The following MMP26 variants were observed in gnomAD, a reference collection of about 807,000 sequenced individuals.
MMP26 encodes matrix metalloproteinase-26.
In MMP26, 33 loss-of-function variants were observed where a neutral mutation model predicts 31.0. The ratio of observed to expected loss-of-function variants is 1.06; its 90% CI spans 0.81 to 1.42. MMP26 has a LOEUF of 1.42. Among genes scored for constraint, MMP26 ranks in the 40% most tolerant of loss-of-function variants. The pLI, the probability that MMP26 is intolerant of heterozygous loss-of-function variation, is 0.00. For missense variants in MMP26, 347 were observed against 316.1 expected (o/e 1.10, Z -0.74); for synonymous variants, 122 against 114.9 (o/e 1.06, Z -0.40).
intron 2 of MMP26, among the ~76,000 whole-genome samples, chr11:4,814,097 T>C (rs1293207086): frequency 4.6e-5 from 7 of 152,194 alleles, no homozygotes; most frequent in Admixed American, 1.3e-4. Context: ...AATTTAACAA[T>C]ATAAACTAAT....
chr11:4,749,272 G>T (rs1194079830), intron 1 of MMP26, among the ~76,000 whole-genome samples: 1 of 151,580 alleles, frequency 6.6e-6, no homozygotes, highest in African/African-American at 2.4e-5. Flanking sequence ...AAATGCTGAG[G>T]AAAAAAATGT....
intron 2 of MMP26, chr11:4,786,791 T>A (rs549645797): frequency 3.3e-5 from 5 of 152,906 alleles, no homozygotes; most frequent in African/African-American, 1.2e-4. Flanking sequence ...GAGTTCCCAA[T>A]CTTCCTCCTA....
chr11:4,848,504 CACACCTTGCA>C (rs774175084), intron 2 of MMP26: 3 of 1,613,516 alleles, frequency 1.9e-6, no homozygotes, highest in African/African-American at 1.3e-5. Context: ...CTCTGGACTC[CACACCTTGCA>C]ACACCTTGCC....
At chr11:4,812,581 T>C (rs1307774680) in intron 2 of MMP26, among the ~76,000 whole-genome samples, 3 of 152,226 alleles carry the variant, frequency 2.0e-5, no homozygotes, top group African/African-American at 7.2e-5. Flanking sequence ...TTGATTAGGC[T>C]ACCGAATCCA....
intron 2 of MMP26, among the ~76,000 whole-genome samples, chr11:4,789,978 A>G (rs766190123): frequency 2.6e-5 from 4 of 152,330 alleles, no homozygotes; most frequent in Non-Finnish European, 2.9e-5. Context: ...AGACCTATTA[A>G]ATATGTAGCA....
At chr11:4,935,630 A>T (rs1851428471) in intron 2 of MMP26, among the ~76,000 whole-genome samples, 1 of 151,564 alleles carries the variant, frequency 6.6e-6, no homozygotes, top group South Asian at 2.1e-4. Flanking sequence ...AGGAGTGGTG[A>T]GAGAGGGCAT....
At chr11:4,803,887 A>G (rs199688628) in intron 2 of MMP26, 1 of 1,613,040 alleles carries the variant, frequency 6.2e-7, no homozygotes, top group Non-Finnish European at 8.5e-7. Context: ...CCTAGACACC[A>G]TGAAGCAGAA....
chr11:4,860,365 A>T (rs751780567), intron 2 of MMP26: 38 of 471,142 alleles, frequency 8.1e-5, no homozygotes, highest in Non-Finnish European at 4.4e-5. Context: ...GAGAGCCAAG[A>T]TAGAAAGGAA....
In MMP26 at chr11:4,948,113, A is replaced by G. The variant is rs1846337073; in HGVS notation, c.-144-39955A>G. 1.6e-5 allele frequency among the ~76,000 whole-genome samples: 2 copies of G among 124,670 alleles called. 1 individual carries two copies. The highest frequency in any genetic ancestry group is 5.4e-5 in the African/African-American group (2 of 36,710). 81.8% of individuals were successfully genotyped at this position (124,670 alleles called of 152,430 possible). ...AAATATCCTTAAAACCAACTTGTCC[A>G]ACTTATACAAGTTTTTCTCCCTTAC... On this transcript the variant is annotated intron_variant, in intron 2 of 7. Coordinates refer to ENST00000380390, the MANE Select transcript of MMP26 (RefSeq NM_021801.5).
intron 2 of MMP26, among the ~76,000 whole-genome samples, chr11:4,810,661 C>A (rs1849337701): frequency 6.6e-6 from 1 of 152,096 alleles, no homozygotes; most frequent in Non-Finnish European, 1.5e-5. Flanking sequence ...TTGTGAGACC[C>A]CTCACCTCTG....
At chr11:4,854,274 C>T (rs1850017171) in intron 2 of MMP26, among the ~76,000 whole-genome samples, 1 of 152,170 alleles carries the variant, frequency 6.6e-6, no homozygotes, top group Non-Finnish European at 1.5e-5. Context: ...CATCGCCTCA[C>T]CTGGGAAGTG....
At chr11:4,851,691 T>C (rs1247478699) in intron 2 of MMP26, among the ~76,000 whole-genome samples, 1 of 151,966 alleles carries the variant, frequency 6.6e-6, no homozygotes, top group African/African-American at 2.4e-5. Flanking sequence ...GGGGAGGAAT[T>C]AAACATTTAT....
At chr11:4,943,843 C>T (rs1204121326) in intron 2 of MMP26, 1 of 446,724 alleles carries the variant, frequency 2.2e-6, no homozygotes, top group Non-Finnish European at 4.5e-6. Flanking sequence ...TTTTTCATTT[C>T]ATTTTATTAA....
intron 2 of MMP26, among the ~76,000 whole-genome samples, chr11:4,910,314 A>G (rs1410591973): frequency 1.3e-5 from 2 of 152,070 alleles, no homozygotes; most frequent in Non-Finnish European, 2.9e-5. Context: ...CTAAGGATTC[A>G]TATAATTAGA....
At chr11:4,815,804 C>T (rs1188971859) in intron 2 of MMP26, among the ~76,000 whole-genome samples, 3 of 152,088 alleles carry the variant, frequency 2.0e-5, no homozygotes, top group Admixed American at 6.6e-5. Flanking sequence ...CATATTAGAA[C>T]GTTGCACAAA....
In MMP26 at chr11:4,803,364, G is replaced by C. The variant is rs370019823; in HGVS notation, c.-145+36023G>C. On this transcript the variant is annotated intron_variant, in intron 2 of 7. Coordinates refer to ENST00000380390, the MANE Select transcript of MMP26 (RefSeq NM_021801.5). ...ACTTAGTGATAATAAGTAATAGCCT[G>C]TCAAATGTTCATTAATGTCCCCACA... 9 of 1,085,988 alleles carry C rather than the reference G, an allele frequency of 8.3e-6. No individual in the cohort carries two copies. In the African/African-American group the frequency reaches 1.4e-4, roughly 17 times the overall value. 67.3% of individuals were successfully genotyped at this position (1,085,988 alleles called of 1,614,324 possible).
intron 2 of MMP26, among the ~76,000 whole-genome samples, chr11:4,982,978 T>C (rs1444166908): frequency 2.0e-5 from 3 of 152,222 alleles, no homozygotes; most frequent in Admixed American, 6.5e-5. Context: ...AAAGCTTGTA[T>C]AGGTTTTTAT....
At chr11:4,899,226 C>T (rs1242071720) in intron 2 of MMP26, among the ~76,000 whole-genome samples, 2 of 152,152 alleles carry the variant, frequency 1.3e-5, no homozygotes, top group African/African-American at 4.8e-5. Flanking sequence ...CAGAGAAATT[C>T]ACTGCATAAT....
intron 2 of MMP26, among the ~76,000 whole-genome samples, chr11:4,837,086 G>T (rs1366190298): frequency 2.0e-5 from 3 of 152,054 alleles, no homozygotes; most frequent in African/African-American, 7.2e-5. Flanking sequence ...ATACCAGATT[G>T]GGAAAGGCAT....
Sources: gnomAD v4.1 joint callset for allele counts (sites outside exome capture counted in the v4.1 genomes callset) on GRCh38, gnomAD v4.1.1 for gene constraint, MANE v1.5 for transcripts, NCBI Gene and HGNC (gene_info 2026-07-23, HGNC 2026-07-21) for gene names.